The following ROR2 variants were observed in gnomAD, a reference collection of about 807,000 sequenced individuals.
ROR2 encodes tyrosine-protein kinase transmembrane receptor ROR2.
A neutral mutation model predicts 74.9 loss-of-function variants in ROR2; 33 were observed. The ratio of observed to expected loss-of-function variants is 0.44; its 90% CI spans 0.33 to 0.59. ROR2 has a LOEUF of 0.59. Ranked by LOEUF, ROR2 falls within the 20% of genes least tolerant of loss-of-function variation. ROR2 has a pLI of 0.02. For synonymous variants in ROR2, 586 were observed against 558.7 expected, an observed-to-expected ratio of 1.05 and a Z score of -0.69; for missense variants, 1,216 against 1,313.8, an observed-to-expected ratio of 0.93 and a Z score of 1.15.
At chr9:91,811,797 A>G (rs1816639164) in intron 1 of ROR2, among the ~76,000 whole-genome samples, 1 of 152,158 alleles carries the variant, frequency 6.6e-6, no homozygotes, top group African/African-American at 2.4e-5. Flanking sequence ...CTCCTCTTCT[A>G]GGGTTTGTGA....
intron 4 of ROR2, among the ~76,000 whole-genome samples, chr9:91,755,125 A>C (rs1278998552): frequency 6.6e-6 from 1 of 152,128 alleles, no homozygotes. Flanking sequence ...ACTGCACTCC[A>C]GTCTGGGTGA....
At chr9:91,858,314 T>C (rs1345842418) in intron 1 of ROR2, among the ~76,000 whole-genome samples, 2 of 152,108 alleles carry the variant, frequency 1.3e-5, no homozygotes, top group Non-Finnish European at 2.9e-5. Flanking sequence ...CATACACATC[T>C]AAGCACAGGC....
intron 1 of ROR2, among the ~76,000 whole-genome samples, chr9:91,841,211 G>C (rs543692772): frequency 6.6e-6 from 1 of 152,334 alleles, no homozygotes; most frequent in East Asian, 1.9e-4. Context: ...CTGGAACTTT[G>C]TGGGTGTTCA....
At chr9:91,774,760 T>C (rs1266062661) in intron 2 of ROR2, among the ~76,000 whole-genome samples, 4 of 152,104 alleles carry the variant, frequency 2.6e-5, no homozygotes, top group African/African-American at 9.7e-5. Flanking sequence ...GAAGCAGACA[T>C]GATGAAGGAG....
At chr9:91,751,528 A>C (rs546289968) in intron 4 of ROR2, among the ~76,000 whole-genome samples, 168 of 152,312 alleles carry the variant, frequency 1.1e-3, no homozygotes, top group African/African-American at 3.9e-3. Context: ...CTGTAAAAAG[A>C]AACCAAAAAA....
chr9:91,815,438 T>C (rs990800320), intron 1 of ROR2, among the ~76,000 whole-genome samples: 1 of 151,752 alleles, frequency 6.6e-6, no homozygotes. Context: ...TTACAATACA[T>C]GGGTCAAAAA....
intron 1 of ROR2, among the ~76,000 whole-genome samples, chr9:91,782,036 G>C (rs1219159108): frequency 6.6e-6 from 1 of 152,224 alleles, no homozygotes; most frequent in East Asian, 1.9e-4. Context: ...CAGCTGAATT[G>C]AGGCCTTTCA....
intron 1 of ROR2, among the ~76,000 whole-genome samples, chr9:91,916,186 C>T (rs949336647): frequency 2.0e-5 from 3 of 152,172 alleles, no homozygotes; most frequent in Non-Finnish European, 2.9e-5. Context: ...GATCTAATCA[C>T]GGAAATTTGT....
chr9:91,843,719 G>A (rs998871262), intron 1 of ROR2, among the ~76,000 whole-genome samples: 1 of 152,212 alleles, frequency 6.6e-6, no homozygotes, highest in Non-Finnish European at 1.5e-5. Context: ...GCAGCAGGAG[G>A]AGCCCCAGTA....
intron 1 of ROR2, among the ~76,000 whole-genome samples, chr9:91,891,670 T>G (rs1368856340): frequency 6.6e-6 from 1 of 152,228 alleles, no homozygotes; most frequent in Non-Finnish European, 1.5e-5. Context: ...ACTGCATCCC[T>G]GTTTCCTTGC....
intron 1 of ROR2, among the ~76,000 whole-genome samples, chr9:91,909,306 A>G (rs1564031918): frequency 6.6e-6 from 1 of 151,922 alleles, no homozygotes; most frequent in East Asian, 1.9e-4. Flanking sequence ...ATCTGTCATC[A>G]CTGATTGGAA....
At chr9:91,843,454 C>T (rs755699780) in intron 1 of ROR2, among the ~76,000 whole-genome samples, 1 of 152,216 alleles carries the variant, frequency 6.6e-6, no homozygotes, top group South Asian at 2.1e-4. Flanking sequence ...CGACATAATA[C>T]GTCCTTCCTG....
At chr9:91,784,218 T>C (rs534231500) in intron 1 of ROR2, among the ~76,000 whole-genome samples, 162 of 152,308 alleles carry the variant, frequency 1.1e-3, no homozygotes, top group Non-Finnish European at 2.0e-3. Context: ...CTGGAGTTCG[T>C]CTTGACTCCT....
intron 1 of ROR2, among the ~76,000 whole-genome samples, chr9:91,871,299 C>G (rs915484066): frequency 6.6e-6 from 1 of 152,238 alleles, no homozygotes; most frequent in African/African-American, 2.4e-5. Context: ...AAACCACTAT[C>G]TGTGTTTCTT....
At chr9:91,817,738 C>T (rs192963716) in intron 1 of ROR2, among the ~76,000 whole-genome samples, 25 of 151,944 alleles carry the variant, frequency 1.6e-4, no homozygotes, top group Admixed American at 1.4e-3. Context: ...TCCATGGGAA[C>T]GGAAAGAAAG....
intron 1 of ROR2, among the ~76,000 whole-genome samples, chr9:91,881,695 G>A (rs1830116616): frequency 6.6e-6 from 1 of 152,130 alleles, no homozygotes; most frequent in African/African-American, 2.4e-5. Context: ...TAGGGAGGAC[G>A]AGCACTCCTG....
intron 1 of ROR2, among the ~76,000 whole-genome samples, chr9:91,795,672 T>C (rs185047754): frequency 3.2e-4 from 48 of 152,314 alleles, no homozygotes; most frequent in African/African-American, 1.1e-3. Context: ...CCTTGAGGCC[T>C]TTTTATTTTC....
chr9:91,930,010 G>C (rs939688068), intron 1 of ROR2, among the ~76,000 whole-genome samples: 2 of 151,944 alleles, frequency 1.3e-5, no homozygotes, highest in Non-Finnish European at 2.9e-5. Flanking sequence ...CTGCACACTA[G>C]TTTTAACTGC....
At chr9:91,786,721 T>C (rs1263147978) in intron 1 of ROR2, among the ~76,000 whole-genome samples, 1 of 152,166 alleles carries the variant, frequency 6.6e-6, no homozygotes, top group Non-Finnish European at 1.5e-5. Context: ...GCCTCAGAAC[T>C]CAGCTGGGGG....
Sources: gnomAD v4.1 joint callset for allele counts (sites outside exome capture counted in the v4.1 genomes callset) on GRCh38, gnomAD v4.1.1 for gene constraint, MANE v1.5 for transcripts, NCBI Gene and HGNC (gene_info 2026-07-23, HGNC 2026-07-21) for gene names.